The following XPNPEP2 variants were observed in gnomAD, a reference collection of about 807,000 sequenced individuals.
The protein encoded by XPNPEP2 is xaa-Pro aminopeptidase 2.
Under a neutral mutation model 59.8 loss-of-function variants are expected in XPNPEP2, and 64 were observed. The ratio of observed to expected loss-of-function variants is 1.07; its 90% CI spans 0.87 to 1.32. XPNPEP2 has a LOEUF of 1.32. Among genes scored for constraint, XPNPEP2 ranks in the 40% most tolerant of loss-of-function variants. The pLI, the probability that XPNPEP2 is intolerant of heterozygous loss-of-function variation, is 0.00. For missense variants in XPNPEP2, 575 were observed against 546.8 expected, an observed-to-expected ratio of 1.05 and a Z score of -0.51; for synonymous variants, 235 against 210.0, an observed-to-expected ratio of 1.12 and a Z score of -1.03.
rs765627000 is a variant in XPNPEP2, at chrX:129,746,633, A to G, written c.442A>G (p.Ile148Val). 1.7e-6 allele frequency: 2 copies of G among 1,210,542 alleles called. No individual in the cohort carries two copies. The highest frequency in any genetic ancestry group is 1.8e-5 in the South Asian group (1 of 56,863). ...TATTGTCACCTGGCTCCTCACCGAG[A>G]TTCCTGCTGGAGGGCGTGTGGGTTT... Reference protein sequence around the residue: ...TPIVTWLLTEIPAGGRVGFDP... With the variant: ...TPIVTWLLTEVPAGGRVGFDP... Residue 148 changes from isoleucine (I) to valine (V), a missense_variant, in exon 6 of 21, where the codon ATT (isoleucine) becomes GTT (valine). Transcript: ENST00000371106.
chrX:129,743,316 C>A (rs1926233852), intron 2 of XPNPEP2, among the ~76,000 whole-genome samples: 1 of 112,063 alleles, frequency 8.9e-6, no homozygotes, highest in Non-Finnish European at 1.9e-5. Flanking sequence ...TCTTTCTGGG[C>A]AATATCTCAA....
intron 13 of XPNPEP2, among the ~76,000 whole-genome samples, chrX:129,756,054 C>T (rs1160131856): frequency 2.7e-5 from 3 of 112,396 alleles, no homozygotes; most frequent in Non-Finnish European, 5.6e-5. Flanking sequence ...CCTCTGCTCT[C>T]GGAGGCAGCA....
Position 129,739,186 on chromosome X carries a change from C to T in XPNPEP2, c.-28C>T, listed in dbSNP as rs762172769. 1.7e-6 allele frequency: 2 copies of T among 1,203,276 alleles called. No individual in the cohort carries two copies. Among genetic ancestry groups the T allele is most frequent in the East Asian group, 5.9e-5 (2 of 33,780 alleles). On this transcript the variant is annotated 5_prime_UTR_variant, in exon 1 of 21. Coordinates refer to ENST00000371106, the MANE Select transcript of XPNPEP2 (RefSeq NM_003399.6). ...CTCCCTCTCTCCCTTGTCCCTCCAT[C>T]CACCCAGCGCCGGCATCTGGAGACC... is the stretch of plus-strand genomic sequence containing the variant.
At chrX:129,761,474 A>G (rs1926655655) in intron 17 of XPNPEP2, among the ~76,000 whole-genome samples, 198 bp downstream of exon 17, 1 of 111,814 alleles carries the variant, frequency 8.9e-6, no homozygotes, top group African/African-American at 3.3e-5. Context: ...TCAAGAGGGC[A>G]CCAGAAAGAG....
In XPNPEP2 at chrX:129,750,579, G is replaced by A; in HGVS notation, c.739+10G>A. On this transcript the variant is annotated intron_variant, in intron 8 of 20. Transcript: ENST00000371106. ...CTTGAGGAGACGGCCTGTGAGTGTG[G>A]ATTTGCAGACATGGGTGGGCGCCTG... 8.5e-7 allele frequency: 1 copy of A among 1,170,439 alleles called. No homozygotes were observed. The highest frequency in any genetic ancestry group is 1.9e-5 in the South Asian group (1 of 52,675).
At chrX:129,756,975 G>A (rs1196197136) in intron 14 of XPNPEP2, among the ~76,000 whole-genome samples, 2 of 95,481 alleles carry the variant, frequency 2.1e-5, no homozygotes. Context: ...TTGGATTACA[G>A]GTGTCCACCA....
At position 129,754,469 on chromosome X, in the gene XPNPEP2, C is replaced by T; in HGVS notation, c.1108-3C>T. The T allele has an allele frequency of 8.5e-7, 1 of 1,172,551 alleles. No homozygotes were observed. On this transcript the variant is annotated splice_polypyrimidine_tract_variant and splice_region_variant and intron_variant, in intron 11 of 20. Transcript: ENST00000371106. Reference sequence around the variant, plus strand: ...CTCTGTTTCCCTGCTTCCCCAACTCCAGGTGCGGGACGCTGTGGCTGTGAT... The same window carrying T: ...CTCTGTTTCCCTGCTTCCCCAACTCTAGGTGCGGGACGCTGTGGCTGTGAT...
intron 7 of XPNPEP2, among the ~76,000 whole-genome samples, chrX:129,748,918 A>G (rs1276214423): frequency 9.0e-6 from 1 of 111,546 alleles, no homozygotes; most frequent in East Asian, 2.8e-4. Flanking sequence ...AAGCCGAAGA[A>G]CAGAGTTCAG....
chrX:129,739,396 C>T (rs1300185289), intron 1 of XPNPEP2, 134 bp downstream of exon 1: 1 of 646,986 alleles, frequency 1.5e-6, no homozygotes, highest in East Asian at 3.5e-5. Context: ...GAAGAGACAC[C>T]TCAGGGCCAG....
Position 129,742,175 on chromosome X carries a change from C to T in XPNPEP2, c.117C>T (p.Asn39=), listed in dbSNP as rs1418450505. ...GGQDVRNCST[N]PPYLPVTVVN... ...AGGATGTGAGAAACTGTTCCACCAACCCCCCTGTGAGTGCCCCCTGCCCCC... is the reference window on the plus strand; with the variant it reads ...AGGATGTGAGAAACTGTTCCACCAATCCCCCTGTGAGTGCCCCCTGCCCCC... The change falls in exon 2 of 21, where the codon AAC becomes AAT. Residue 39 remains asparagine, a synonymous_variant. Transcript: ENST00000371106. The T allele has an allele frequency of 1.7e-6, 2 of 1,171,358 alleles. No individual in the cohort carries two copies. Among genetic ancestry groups the T allele is most frequent in the Non-Finnish European group, 2.3e-6 (2 of 872,125 alleles).
At chrX:129,765,044 T>A (rs1053916820) in intron 19 of XPNPEP2, among the ~76,000 whole-genome samples, 1 of 112,162 alleles carries the variant, frequency 8.9e-6, no homozygotes, top group African/African-American at 3.2e-5. Context: ...CTGAGAACAT[T>A]TCAGGCACAC....
At chrX:129,766,011 T>C (rs745862290) in intron 19 of XPNPEP2, among the ~76,000 whole-genome samples, 1 of 112,276 alleles carries the variant, frequency 8.9e-6, no homozygotes, top group African/African-American at 3.2e-5. Flanking sequence ...TTTTAGTGAA[T>C]TGCTTTTTCA....
chrX:129,744,163 G>C lies in XPNPEP2; in HGVS notation c.234+92G>C, dbSNP rs749601286. ...TGTTAAAACTCAGAAGATGAAGACA[G>C]AGAAAGGATCTGATGGGCAAAGGGA... On this transcript the variant is annotated intron_variant, in intron 3 of 20. Coordinates refer to ENST00000371106, the MANE Select transcript of XPNPEP2 (RefSeq NM_003399.6). The C allele has an allele frequency of 3.6e-6, 3 of 843,505 alleles. No homozygotes were observed. In the African/African-American group the frequency reaches 6.0e-5, roughly 17 times the overall value. 69.5% of individuals were successfully genotyped at this position (843,505 alleles called of 1,213,427 possible).
intron 14 of XPNPEP2, among the ~76,000 whole-genome samples, chrX:129,757,019 TATATAC>T (rs533053164): frequency 0.052 from 4,747 of 90,903 alleles, 257 homozygotes; most frequent in African/African-American, 0.15. Context: ...TATATATATA[TATATAC>T]ACACACACAC....
chrX:129,756,750 G>A (rs1926525485), intron 14 of XPNPEP2, among the ~76,000 whole-genome samples, 195 bp downstream of exon 14: 1 of 110,344 alleles, frequency 9.1e-6, no homozygotes, highest in Non-Finnish European at 1.9e-5. Context: ...CACAGAGGCT[G>A]GAATAGTGGC....
chrX:129,768,494 G>C lies in XPNPEP2; in HGVS notation c.*9G>C. 1 of 1,153,199 alleles carries C rather than the reference G, an allele frequency of 8.7e-7. No individual in the cohort carries two copies. The highest frequency in any genetic ancestry group is 1.2e-6 in the Non-Finnish European group (1 of 867,505). On this transcript the variant is annotated 3_prime_UTR_variant, in exon 21 of 21. Transcript: ENST00000371106. ...TTGGCTGGAGTGTCTAGAGGCTCCA[G>C]ACTCTCCTGTTAACCCTCCATCTAG...
intron 15 of XPNPEP2, among the ~76,000 whole-genome samples, chrX:129,760,003 C>T (rs1167414387): frequency 1.8e-5 from 2 of 112,147 alleles, no homozygotes; most frequent in Admixed American, 9.4e-5. Flanking sequence ...ACTCAGCAGC[C>T]GTCACAACCA....
At chrX:129,754,855 G>A (rs1215905209) in intron 12 of XPNPEP2, among the ~76,000 whole-genome samples, 3 of 111,092 alleles carry the variant, frequency 2.7e-5, no homozygotes, top group African/African-American at 9.8e-5. Flanking sequence ...CTTCAGGTAC[G>A]GTCTGAATCT....
chrX:129,761,971 G>A (rs1926664384), intron 17 of XPNPEP2, 35 bp from the exon 18 acceptor site: 3 of 1,203,240 alleles, frequency 2.5e-6, no homozygotes, highest in Non-Finnish European at 2.3e-6. Context: ...GTGAGTATAG[G>A]AGAACTGATA....
Sources: gnomAD v4.1 joint callset for allele counts (sites outside exome capture counted in the v4.1 genomes callset) on GRCh38, gnomAD v4.1.1 for gene constraint, MANE v1.5 for transcripts, NCBI Gene and HGNC (gene_info 2026-07-23, HGNC 2026-07-21) for gene names.